TBC1D22B: variants seen among roughly 807,000 people sequenced by gnomAD.
The protein encoded by TBC1D22B is chromosome 6 open reading frame 197.
TBC1D22B carries 32 observed loss-of-function variants against 69.1 expected under a neutral mutation model. The observed-to-expected ratio is 0.46, with a 90% CI of 0.35 to 0.62. The LOEUF (loss-of-function observed/expected upper bound fraction) is 0.62. TBC1D22B is among the 20% of genes least tolerant of loss of function. The pLI is 0.00. For missense variants in TBC1D22B, 462 were observed against 630.9 expected, an observed-to-expected ratio of 0.73 and a Z score of 2.87; for synonymous variants, 206 against 229.8, an observed-to-expected ratio of 0.90 and a Z score of 0.94.
rs916508582 is a variant in TBC1D22B, at chr6:37,264,294, AG to A, written c.57-5297del. Among the ~76,000 whole-genome samples, 524 of 152,176 alleles carry A rather than the reference AG, an allele frequency of 3.4e-3. 5 individuals are homozygous for A. The highest frequency in any genetic ancestry group is 0.012 in the African/African-American group (487 of 41,558). On this transcript the variant is annotated intron_variant, in intron 1 of 12. Transcript: ENST00000373491. ...CTAGGAAGGGAGGGAGGGGTATGCCAGGGTGTTTTGTTTTGTTTGGTTTTGT... is the reference window on the plus strand; with the variant it reads ...CTAGGAAGGGAGGGAGGGGTATGCCAGGTGTTTTGTTTTGTTTGGTTTTGT...
At position 37,331,333 on chromosome 6, in the gene TBC1D22B, G is replaced by A. The variant is rs1292833308; in HGVS notation, c.*161G>A. On this transcript the variant is annotated 3_prime_UTR_variant, in exon 13 of 13. Transcript: ENST00000373491. ...AACTTTCTGGCATCCACCACTCCAT[G>A]TCTCTGGATGTGTCACTTGGACCAC... is the stretch of plus-strand genomic sequence containing the variant. 4 of 645,076 alleles carry A rather than the reference G, an allele frequency of 6.2e-6. No homozygotes were observed. The highest frequency in any genetic ancestry group is 1.8e-5 in the African/African-American group (1 of 55,174). The allele number at this position is 645,076 out of a possible 1,614,324, so 40.0% of individuals were successfully genotyped here.
At chr6:37,328,443 T>C (rs1305747234) in intron 12 of TBC1D22B, among the ~76,000 whole-genome samples, 2 of 152,230 alleles carry the variant, frequency 1.3e-5, no homozygotes, top group Non-Finnish European at 2.9e-5. Flanking sequence ...TAATTTTTTA[T>C]AGTGAAAAAC....
intron 12 of TBC1D22B, among the ~76,000 whole-genome samples, chr6:37,318,896 T>A (rs920851715): frequency 6.6e-6 from 1 of 152,086 alleles, no homozygotes; most frequent in African/African-American, 2.4e-5. Context: ...ACTGAGAGGT[T>A]TTTTGGTTTG....
intron 1 of TBC1D22B, among the ~76,000 whole-genome samples, chr6:37,267,327 C>CACATATATATAATATATATAT (rs1766314059): frequency 7.4e-6 from 1 of 135,108 alleles, no homozygotes; most frequent in Non-Finnish European, 1.5e-5. Context: ...TATATATACA[C>CACATATATATAATATATATAT]ACACACATAT....
chr6:37,327,888 A>C (rs1768475050), intron 12 of TBC1D22B, among the ~76,000 whole-genome samples: 1 of 151,908 alleles, frequency 6.6e-6, no homozygotes, highest in South Asian at 2.1e-4. Flanking sequence ...GGGCTTGGGG[A>C]TCAAAGGGAA....
chr6:37,331,178 G>A lies in TBC1D22B; in HGVS notation c.*6G>A, dbSNP rs752022075. ...CAAATCACTACCGCCGATAGGTGCT[G>A]TCTCCTCCGGGGACCCAGACTGCCT... On this transcript the variant is annotated 3_prime_UTR_variant, in exon 13 of 13. Transcript: ENST00000373491. The A allele has an allele frequency of 6.2e-7, 1 of 1,613,946 alleles. No homozygotes were observed. Among genetic ancestry groups the A allele is most frequent in the Non-Finnish European group, 8.5e-7 (1 of 1,179,880 alleles).
chr6:37,264,313 G>T (rs947910774), intron 1 of TBC1D22B, among the ~76,000 whole-genome samples: 3 of 151,948 alleles, frequency 2.0e-5, no homozygotes, highest in Non-Finnish European at 2.9e-5. Context: ...TGTTTTGTTT[G>T]GTTTTGTTTT....
intron 12 of TBC1D22B, among the ~76,000 whole-genome samples, chr6:37,323,854 G>A (rs1245283712): frequency 2.0e-5 from 3 of 152,180 alleles, no homozygotes; most frequent in Non-Finnish European, 4.4e-5. Context: ...ACAAGCTGGT[G>A]TGAGAAAGGG....
chr6:37,313,134 A>T, intron 9 of TBC1D22B, 110 bp downstream of exon 9: 2 of 777,184 alleles, frequency 2.6e-6, no homozygotes, highest in Non-Finnish European at 4.5e-6. Flanking sequence ...CCACCCACCC[A>T]CTATGGCTCC....
At chr6:37,272,716 G>A (rs1320674478) in intron 2 of TBC1D22B, among the ~76,000 whole-genome samples, 1 of 152,088 alleles carries the variant, frequency 6.6e-6, no homozygotes, top group Non-Finnish European at 1.5e-5. Flanking sequence ...CATGTTTTCT[G>A]TGATATCTGT....
Position 37,316,744 on chromosome 6 carries a change from C to G in TBC1D22B, c.1207C>G (p.Leu403Val), listed in dbSNP as rs753638924. Residue 403 changes from leucine to valine, a missense_variant, in exon 11 of 13, where the codon CTG (leucine) becomes GTG (valine). Physicochemically the swap from Leu to Val is conservative, Grantham distance 32. Coordinates refer to ENST00000373491, the MANE Select transcript of TBC1D22B (RefSeq NM_017772.4). ...NHFRRYEVEY[L>V]QFAFRWMNNL... ...CTTCAGGAGGTACGAGGTAGAATAC[C>G]TGCAGTTTGCCTTCCGCTGGATGAA... The G allele has an allele frequency of 6.2e-6, 10 of 1,614,202 alleles. No individual in the cohort carries two copies. Among genetic ancestry groups the G allele is most frequent in the Non-Finnish European group, 6.8e-6 (8 of 1,180,038 alleles).
intron 12 of TBC1D22B, among the ~76,000 whole-genome samples, chr6:37,318,112 G>C (rs1768134050): frequency 6.6e-6 from 1 of 152,230 alleles, no homozygotes; most frequent in Non-Finnish European, 1.5e-5. Flanking sequence ...CTTCTATGTA[G>C]ACTGTAGGTG....
intron 8 of TBC1D22B, among the ~76,000 whole-genome samples, chr6:37,295,925 T>C (rs1767349306): frequency 6.6e-6 from 1 of 152,208 alleles, no homozygotes; most frequent in African/African-American, 2.4e-5. Flanking sequence ...AATCAATCAA[T>C]GTGGCCAACT....
chr6:37,330,270 C>T (rs367817513), intron 12 of TBC1D22B, among the ~76,000 whole-genome samples: 1 of 110,418 alleles, frequency 9.1e-6, no homozygotes, highest in Non-Finnish European at 1.7e-5. Flanking sequence ...GACAGAGTCT[C>T]ACTCAGTCGC....
chr6:37,267,023 A>G (rs912938041), intron 1 of TBC1D22B, among the ~76,000 whole-genome samples: 2 of 147,332 alleles, frequency 1.4e-5, no homozygotes, highest in African/African-American at 5.0e-5. Flanking sequence ...TGTAGTCTCA[A>G]ACTCCTGGGT....
intron 1 of TBC1D22B, 159 bp downstream of exon 1, chr6:37,258,132 C>A: frequency 1.3e-6 from 1 of 797,232 alleles, no homozygotes; most frequent in Non-Finnish European, 1.9e-6. Flanking sequence ...GGCAGCGAAG[C>A]GAACAGCGAG....
At chr6:37,272,258 T>C (rs1267027581) in intron 2 of TBC1D22B, among the ~76,000 whole-genome samples, 1 of 151,946 alleles carries the variant, frequency 6.6e-6, no homozygotes, top group Non-Finnish European at 1.5e-5. Flanking sequence ...AGAGACACGG[T>C]TTTGCCATGT....
chr6:37,257,812 C>A lies in TBC1D22B; in HGVS notation c.-106C>A. ...TCCCCAGGAGCTGGGAGCGGGTGACCGGCGGCGGGGAAGCGGCCTGGGTTG... is the reference window on the plus strand; with the variant it reads ...TCCCCAGGAGCTGGGAGCGGGTGACAGGCGGCGGGGAAGCGGCCTGGGTTG... On this transcript the variant is annotated 5_prime_UTR_variant, in exon 1 of 13. Transcript: ENST00000373491. 7.7e-7 allele frequency: 1 copy of A among 1,291,850 alleles called. No individual in the cohort carries two copies. The highest frequency in any genetic ancestry group is 1.4e-5 in the South Asian group (1 of 73,190). 80.0% of individuals were successfully genotyped at this position (1,291,850 alleles called of 1,614,324 possible).
intron 8 of TBC1D22B, 59 bp from the exon 9 acceptor site, chr6:37,312,859 T>C: frequency 3.5e-6 from 5 of 1,420,632 alleles, no homozygotes; most frequent in South Asian, 3.4e-5. Flanking sequence ...CTCGAATCTA[T>C]CTTTCTCTCT....
Sources: allele counts gnomAD v4.1 joint callset (sites outside exome capture counted in the v4.1 genomes callset), GRCh38; gene constraint gnomAD v4.1.1; transcripts MANE v1.5; gene names NCBI Gene and HGNC (gene_info 2026-07-23, HGNC 2026-07-21).